LRRN2: variants seen among roughly 807,000 people sequenced by gnomAD.
The protein encoded by LRRN2 is leucine rich repeat neuronal 2, also known as leucine-rich repeat neuronal protein 2.
In LRRN2, 10 loss-of-function variants were observed where a neutral mutation model predicts 35.7. That is an observed-to-expected ratio of 0.28 (90% confidence interval 0.17 to 0.47). LRRN2 has a LOEUF of 0.47. Among genes scored for constraint, LRRN2 ranks in the 20% least tolerant of loss-of-function variants. The pLI is 0.99. For synonymous variants in LRRN2, 391 were observed against 409.6 expected (o/e 0.95, Z 0.55); for missense variants, 731 against 940.3 (o/e 0.78, Z 2.91).
intron 1 of LRRN2, among the ~76,000 whole-genome samples, chr1:204,670,657 G>C (rs1030653115): frequency 6.6e-6 from 1 of 151,894 alleles, no homozygotes; most frequent in Non-Finnish European, 1.5e-5. Flanking sequence ...GGATGAGTCA[G>C]CAAAGACGAC....
At chr1:204,627,781 C>T (rs932136297) in intron 1 of LRRN2, among the ~76,000 whole-genome samples, 1 of 152,192 alleles carries the variant, frequency 6.6e-6, no homozygotes, top group African/African-American at 2.4e-5. Flanking sequence ...ATCTCCTGGG[C>T]TCCCATGATG....
chr1:204,680,045 G>A (rs181046598), intron 1 of LRRN2, among the ~76,000 whole-genome samples: 109 of 152,314 alleles, frequency 7.2e-4, no homozygotes, highest in African/African-American at 2.5e-3. Flanking sequence ...ACCAGATTCC[G>A]GGGTGGTGAA....
intron 1 of LRRN2, among the ~76,000 whole-genome samples, chr1:204,652,319 G>A (rs1304709428): frequency 3.9e-5 from 5 of 126,894 alleles, no homozygotes; most frequent in Non-Finnish European, 8.0e-5. Context: ...AGCTGCAGGC[G>A]CCTTGACATT....
At chr1:204,624,752 C>G (rs1407688218) in intron 1 of LRRN2, among the ~76,000 whole-genome samples, 6 of 55,236 alleles carry the variant, frequency 1.1e-4, no homozygotes, top group Admixed American at 8.6e-4. Flanking sequence ...CGGTTCCCCC[C>G]CCACCCCCCC....
intron 1 of LRRN2, among the ~76,000 whole-genome samples, chr1:204,637,754 C>T (rs761651591): frequency 4.3e-4 from 66 of 151,824 alleles, no homozygotes; most frequent in African/African-American, 1.1e-3. Flanking sequence ...CCCCGACCCC[C>T]GGGCCTCATC....
At chr1:204,651,808 C>T (rs567581469) in intron 1 of LRRN2, among the ~76,000 whole-genome samples, 6 of 152,296 alleles carry the variant, frequency 3.9e-5, no homozygotes, top group Admixed American at 3.3e-4. Flanking sequence ...GACTGAGCAA[C>T]TCTAGCTGAG....
rs1367604998 is a variant in LRRN2, at chr1:204,619,741, C to T, written c.252G>A (p.Val84=). 1.2e-6 allele frequency: 2 copies of T among 1,614,240 alleles called. No individual in the cohort carries two copies. Among genetic ancestry groups the T allele is most frequent in the Non-Finnish European group, 1.7e-6 (2 of 1,180,022 alleles). The part of the protein sequence containing the change: ...LLLQSNSIVR[V]DQSELGYLAN... ...CCAGGTAGCCCAGCTCACTCTGGTC[C>T]ACACGGACAATGCTGTTGCTCTGCA... The change falls in exon 2 of 2, where the codon GTG becomes GTA. Residue 84 remains valine (V), a synonymous_variant. Coordinates refer to ENST00000367177, the MANE Select transcript of LRRN2 (RefSeq NM_201630.2).
chr1:204,640,361 G>C (rs1366821876), intron 1 of LRRN2, among the ~76,000 whole-genome samples: 1 of 152,160 alleles, frequency 6.6e-6, no homozygotes, highest in Non-Finnish European at 1.5e-5. Context: ...CACACTGAGG[G>C]GTTAAGATTC....
chr1:204,631,056 G>A (rs1217048675), intron 1 of LRRN2, among the ~76,000 whole-genome samples: 1 of 151,182 alleles, frequency 6.6e-6, no homozygotes, highest in Non-Finnish European at 1.5e-5. Context: ...CTAGAAGTGC[G>A]AGTTCCTTGG....
intron 1 of LRRN2, chr1:204,628,447 C>A (rs1171790160): frequency 6.6e-6 from 1 of 152,260 alleles, no homozygotes. Flanking sequence ...TGGAGACAGA[C>A]CTGCCTCATA....
chr1:204,668,361 G>A (rs1368893528), intron 1 of LRRN2, among the ~76,000 whole-genome samples: 7 of 152,178 alleles, frequency 4.6e-5, no homozygotes, highest in South Asian at 2.1e-4. Context: ...TTGGGAGGCC[G>A]AGGCGGGCAG....
intron 1 of LRRN2, among the ~76,000 whole-genome samples, chr1:204,654,033 C>CAAA (rs56179230): frequency 7.1e-5 from 6 of 84,280 alleles, no homozygotes; most frequent in East Asian, 4.2e-4. Context: ...GAGACCCTGA[C>CAAA]AAAAAAAAAA....
At chr1:204,644,473 C>G (rs1195971756) in intron 1 of LRRN2, among the ~76,000 whole-genome samples, 1 of 152,190 alleles carries the variant, frequency 6.6e-6, no homozygotes, top group Non-Finnish European at 1.5e-5. Context: ...TTTTCCCCTG[C>G]CCTGGACAGG....
chr1:204,669,328 A>G (rs1438403464), intron 1 of LRRN2, among the ~76,000 whole-genome samples: 1 of 152,148 alleles, frequency 6.6e-6, no homozygotes, highest in Non-Finnish European at 1.5e-5. Flanking sequence ...GGACTTTTTC[A>G]TGGATCCTTT....
intron 1 of LRRN2, among the ~76,000 whole-genome samples, chr1:204,657,187 C>T (rs1490329178): frequency 6.6e-6 from 1 of 152,062 alleles, no homozygotes; most frequent in African/African-American, 2.4e-5. Context: ...GACCTGTAAT[C>T]CCAGCTACTT....
chr1:204,640,042 G>A (rs1275793592), intron 1 of LRRN2, among the ~76,000 whole-genome samples: 3 of 152,136 alleles, frequency 2.0e-5, no homozygotes, highest in Non-Finnish European at 4.4e-5. Flanking sequence ...AGCTGGATTT[G>A]CCATGGTCTT....
chr1:204,657,189 C>T (rs1268568721), intron 1 of LRRN2, among the ~76,000 whole-genome samples: 5 of 152,172 alleles, frequency 3.3e-5, no homozygotes, highest in African/African-American at 1.2e-4. Context: ...CCTGTAATCC[C>T]AGCTACTTGG....
intron 1 of LRRN2, among the ~76,000 whole-genome samples, chr1:204,648,012 A>G (rs1668147344): frequency 6.6e-6 from 1 of 152,210 alleles, no homozygotes; most frequent in African/African-American, 2.4e-5. Flanking sequence ...TATTGAACAT[A>G]CATTTCTATA....
In LRRN2 at chr1:204,619,350, G is replaced by C. The variant is rs182990999; in HGVS notation, c.643C>G (p.Leu215Val). The stretch of plus-strand genomic sequence containing the variant: ...ATGCCTGCTAGCACCAGGCTACGCA[G>C]GTTGGCCAGGGGCCGGAAGTTCATG... ...LDMNFRPLAN[L>V]RSLVLAGMNL... is the part of the protein sequence containing the mutation. The change falls in exon 2 of 2, where the codon CTG becomes GTG. Residue 215 changes from leucine (L) to valine (V), a missense_variant. By Grantham distance (32) the Leu-to-Val change is conservative (BLOSUM62 1). Around this residue, in one of 3 missense-constraint regions of LRRN2, gnomAD observed 246 missense variants for 289.5 expected, o/e 0.85. Transcript: ENST00000367177. 52 of 1,614,262 alleles carry C rather than the reference G, an allele frequency of 3.2e-5. No individual in the cohort carries two copies. Among genetic ancestry groups the C allele is most frequent in the South Asian group, 8.8e-5 (8 of 91,082 alleles).
Sources: allele counts gnomAD v4.1 joint callset (sites outside exome capture counted in the v4.1 genomes callset), GRCh38; gene constraint gnomAD v4.1.1; regional missense constraint gnomAD v4.1.1; transcripts MANE v1.5; gene names NCBI Gene and HGNC (gene_info 2026-07-23, HGNC 2026-07-21).